The following ZNF469 variants were observed in gnomAD, a reference collection of about 807,000 sequenced individuals.
ZNF469 encodes zinc finger protein 469.
ZNF469 carries 1 observed loss-of-function variant against 1.0 expected under a neutral mutation model. The ratio of observed to expected loss-of-function variants is 1.00; its 90% CI spans 0.35 to 4.73. The LOEUF is 4.73. Among genes scored for constraint, ZNF469 ranks in the 30% most tolerant of loss-of-function variants. ZNF469 has a pLI of 0.16. For synonymous variants in ZNF469, 2,703 were observed against 2,363.4 expected (o/e 1.14, Z -4.17); for missense variants, 6,100 against 5,356.3 (o/e 1.14, Z -4.33).
chr16:88,245,563 G>A, the ZNF469 span, among the ~76,000 whole-genome samples: 3 of 152,208 alleles, frequency 2.0e-5, no homozygotes, highest in Admixed American at 6.5e-5. Flanking sequence ...GGCAACAGTC[G>A]CCTCTGAGCT....
the ZNF469 span, among the ~76,000 whole-genome samples, chr16:88,169,794 G>A: frequency 6.6e-6 from 1 of 152,180 alleles, no homozygotes; most frequent in African/African-American, 2.4e-5. This position sits in a 1 kb window ranked among gnomAD's most constrained non-coding sequence, Gnocchi z 6.1. Flanking sequence ...TCTCCAGAGC[G>A]GCCATGCCAC....
chr16:88,433,130 C>G lies in ZNF469; in HGVS notation c.5660C>G (p.Thr1887Ser). 1 of 1,550,322 alleles carries G rather than the reference C, an allele frequency of 6.5e-7. No homozygotes were observed. Among genetic ancestry groups the G allele is most frequent in the Non-Finnish European group, 8.7e-7 (1 of 1,146,940 alleles). Residue 1887 changes from threonine to serine, a missense_variant, in exon 3 of 3, where the codon ACC becomes AGC. Physicochemically the swap from Thr to Ser is moderately conservative, Grantham distance 58. Coordinates refer to ENST00000565624, the MANE Select transcript of ZNF469 (RefSeq NM_001367624.2). ...PVPSPACVSN[T>S]HPSRRSQDPA... Reference sequence around the variant, plus strand: ...CCAAGTCCCGCCTGTGTATCCAACACCCACCCTAGCAGGAGGTCCCAGGAC... The same window carrying G: ...CCAAGTCCCGCCTGTGTATCCAACAGCCACCCTAGCAGGAGGTCCCAGGAC...
At chr16:88,172,007 G>C in the ZNF469 span, among the ~76,000 whole-genome samples, 1 of 152,200 alleles carries the variant, frequency 6.6e-6, no homozygotes, top group African/African-American at 2.4e-5. Context: ...TCAAGACTGT[G>C]ATCCCTGCGA....
At chr16:88,181,375 A>G in the ZNF469 span, among the ~76,000 whole-genome samples, 1 of 152,168 alleles carries the variant, frequency 6.6e-6, no homozygotes, top group Non-Finnish European at 1.5e-5. Context: ...CGGCCAGAAT[A>G]CACACTTTTT....
At chr16:88,354,295 C>T in the ZNF469 span, among the ~76,000 whole-genome samples, 454 of 152,308 alleles carry the variant, frequency 3.0e-3, 2 homozygotes, top group Non-Finnish European at 5.7e-3. Flanking sequence ...ATCCTGGGGC[C>T]GGCTGCCTGC....
At chr16:88,204,702 G>T in the ZNF469 span, among the ~76,000 whole-genome samples, 1 of 152,220 alleles carries the variant, frequency 6.6e-6, no homozygotes, top group Non-Finnish European at 1.5e-5. Flanking sequence ...GTCATTCCAG[G>T]ATGGTCACAG....
chr16:88,380,258 CACGT>C (rs2092517592), upstream of ZNF469, among the ~76,000 whole-genome samples: 1 of 147,360 alleles, frequency 6.8e-6, no homozygotes, highest in Non-Finnish European at 1.5e-5. Flanking sequence ...TGCACTCACA[CACGT>C]GCACTCACAC....
chr16:88,284,354 G>A, the ZNF469 span, among the ~76,000 whole-genome samples: 1 of 152,176 alleles, frequency 6.6e-6, no homozygotes, highest in Non-Finnish European at 1.5e-5. Context: ...GAAGTGGATG[G>A]TCTCTTCGAC....
chr16:88,115,651 C>T, the ZNF469 span, among the ~76,000 whole-genome samples: 10 of 149,254 alleles, frequency 6.7e-5, no homozygotes, highest in East Asian at 1.6e-3. Flanking sequence ...AGAGGCCCGC[C>T]GAGCCGTACT....
At chr16:88,163,532 GGA>G in the ZNF469 span, among the ~76,000 whole-genome samples, 2 of 142,270 alleles carry the variant, frequency 1.4e-5, no homozygotes, top group Non-Finnish European at 3.0e-5. Context: ...ATGGATGGAT[GGA>G]TGGATTGGTA....
chr16:88,261,017 G>A, the ZNF469 span, among the ~76,000 whole-genome samples: 1 of 152,182 alleles, frequency 6.6e-6, no homozygotes, highest in Non-Finnish European at 1.5e-5. The surrounding 1 kb of genome is among the most constrained non-coding windows in gnomAD (Gnocchi z 6.0). Flanking sequence ...AGTGAAAATG[G>A]GGAGCCCGGG....
the ZNF469 span, among the ~76,000 whole-genome samples, chr16:88,335,414 TC>T: frequency 6.6e-6 from 1 of 152,282 alleles, no homozygotes; most frequent in East Asian, 1.9e-4. Flanking sequence ...GTCAAAAACT[TC>T]CAGGGCGGCC....
chr16:88,333,725 C>A, the ZNF469 span, among the ~76,000 whole-genome samples: 1 of 132,738 alleles, frequency 7.5e-6, no homozygotes, highest in Admixed American at 8.1e-5. Context: ...CCCACGGATG[C>A]GGGCCCGCGA....
chr16:88,314,921 G>A, the ZNF469 span, among the ~76,000 whole-genome samples: 6 of 146,580 alleles, frequency 4.1e-5, no homozygotes, highest in African/African-American at 1.5e-4. Context: ...TGATTATGAT[G>A]ATGCTGGTGT....
upstream of ZNF469, among the ~76,000 whole-genome samples, chr16:88,379,137 C>G (rs913968212): frequency 2.6e-5 from 4 of 152,290 alleles, no homozygotes; most frequent in African/African-American, 9.6e-5. Context: ...CAGGGGGTGA[C>G]TCGTGTGAGC....
the ZNF469 span, among the ~76,000 whole-genome samples, chr16:88,342,000 T>G: frequency 6.6e-6 from 1 of 151,918 alleles, no homozygotes; most frequent in Admixed American, 6.5e-5. Flanking sequence ...GAATGGGGCT[T>G]TGGGCATCAT....
the ZNF469 span, among the ~76,000 whole-genome samples, chr16:88,246,991 ATGAG>A: frequency 1.0e-3 from 156 of 151,182 alleles, 1 homozygote; most frequent in African/African-American, 3.1e-3. Context: ...GAATGAATGA[ATGAG>A]TGAGTGAATG....
At chr16:88,276,800 A>C in the ZNF469 span, among the ~76,000 whole-genome samples, 1 of 152,256 alleles carries the variant, frequency 6.6e-6, no homozygotes, top group South Asian at 2.1e-4. Flanking sequence ...TACCAGGTAG[A>C]TATCATTAGT....
the ZNF469 span, among the ~76,000 whole-genome samples, chr16:88,129,213 C>T: frequency 6.6e-6 from 1 of 152,358 alleles, no homozygotes; most frequent in Non-Finnish European, 1.5e-5. Flanking sequence ...CAGCGTCATG[C>T]CAGGAACCAA....
Sources: allele counts gnomAD v4.1 joint callset (sites outside exome capture counted in the v4.1 genomes callset), GRCh38; gene constraint gnomAD v4.1.1; non-coding constraint Gnocchi (gnomAD v3.1); transcripts MANE v1.5; gene names NCBI Gene and HGNC (gene_info 2026-07-23, HGNC 2026-07-21).